The following CNIH3 variants were observed in gnomAD, a reference collection of about 807,000 sequenced individuals.
The protein encoded by CNIH3 is protein cornichon homolog 3.
In CNIH3, 14 loss-of-function variants were observed where a neutral mutation model predicts 24.1. The ratio of observed to expected loss-of-function variants is 0.58; its 90% CI spans 0.38 to 0.91. The LOEUF is 0.91. Ranked by LOEUF, CNIH3 falls within the 40% of genes least tolerant of loss-of-function variation. The pLI is 0.00. For synonymous variants in CNIH3, 68 were observed against 73.8 expected (o/e 0.92, Z 0.40); for missense variants, 178 against 196.8 (o/e 0.90, Z 0.57).
At chr1:224,693,012 T>C (rs1687004505) in intron 3 of CNIH3, among the ~76,000 whole-genome samples, 1 of 152,214 alleles carries the variant, frequency 6.6e-6, no homozygotes, top group African/African-American at 2.4e-5. Context: ...TTTAACTTCT[T>C]GGTAGGGTAG....
chr1:224,707,977 T>G (rs1687915031), intron 3 of CNIH3, among the ~76,000 whole-genome samples: 1 of 152,196 alleles, frequency 6.6e-6, no homozygotes, highest in African/African-American at 2.4e-5. Context: ...ACCATCTCAC[T>G]GTTGCAGGGT....
At chr1:224,652,214 G>C (rs1228450687) in intron 1 of CNIH3, among the ~76,000 whole-genome samples, 1 of 152,092 alleles carries the variant, frequency 6.6e-6, no homozygotes, top group South Asian at 2.1e-4. Context: ...CCTGTGTGCT[G>C]CCTCTGGCCA....
chr1:224,651,064 GAC>G lies in CNIH3; in HGVS notation c.82-29879_82-29878del, dbSNP rs71772293. Among the ~76,000 whole-genome samples, 582 of 151,168 alleles carry G rather than the reference GAC, an allele frequency of 3.9e-3. 5 individuals carry two copies. Among genetic ancestry groups the G allele is most frequent in the African/African-American group, 0.011 (471 of 41,226 alleles). On this transcript the variant is annotated intron_variant, in intron 1 of 5. Coordinates refer to ENST00000272133, the MANE Select transcript of CNIH3 (RefSeq NM_152495.2). ...AGTGAGAAACAGAAAGAGGGACATG[GAC>G]ACACACACACACACGCACAAACACA... is the stretch of plus-strand genomic sequence containing the variant.
intron 2 of CNIH3, among the ~76,000 whole-genome samples, chr1:224,545,100 T>C (rs1449983944): frequency 6.6e-6 from 1 of 152,254 alleles, no homozygotes; most frequent in East Asian, 1.9e-4. Flanking sequence ...TTTCTTCTCA[T>C]AGAAGTTCCT....
Position 224,459,167 on chromosome 1 carries a change from CT to C in CNIH3, n.203+24307del, listed in dbSNP as rs771487449. Reference sequence around the variant, plus strand: ...GGACATCCAGGGCCCCTCTCTTTGCCTTCCCCTCTTTCTTCCTTCTACTGCT... The same window carrying C: ...GGACATCCAGGGCCCCTCTCTTTGCCTCCCCTCTTTCTTCCTTCTACTGCT... On this transcript the variant is annotated intron_variant and non_coding_transcript_variant, in intron 1 of 5. Coordinates refer to the CNIH3 transcript ENST00000471578. The C allele has an allele frequency of 1.2e-4, 117 of 958,248 alleles. 1 individual carries two copies. The highest frequency in any genetic ancestry group is 1.4e-4 in the Non-Finnish European group (111 of 810,424). 59.4% of individuals were successfully genotyped at this position (958,248 alleles called of 1,614,324 possible).
downstream of CNIH3, among the ~76,000 whole-genome samples, chr1:224,592,249 G>T (rs1681792225): frequency 6.6e-6 from 1 of 152,092 alleles, no homozygotes; most frequent in Non-Finnish European, 1.5e-5. Context: ...GAGAAAAATG[G>T]AATAATTAAG....
At chr1:224,447,099 GA>G (rs773210830) in intron 1 of CNIH3, among the ~76,000 whole-genome samples, 11 of 152,186 alleles carry the variant, frequency 7.2e-5, no homozygotes, top group Admixed American at 2.0e-4. Context: ...AGATATATGA[GA>G]GGGGGTTTAT....
At chr1:224,461,857 A>G (rs1297064505) in intron 1 of CNIH3, among the ~76,000 whole-genome samples, 2 of 152,110 alleles carry the variant, frequency 1.3e-5, no homozygotes, top group African/African-American at 4.8e-5. Flanking sequence ...CTTTTTCTAT[A>G]TATTTACTTA....
chr1:224,451,179 A>C (rs1176614647), intron 1 of CNIH3, among the ~76,000 whole-genome samples: 3 of 152,202 alleles, frequency 2.0e-5, no homozygotes, highest in Non-Finnish European at 4.4e-5. Flanking sequence ...GCAGGAGACC[A>C]TGATGTGGCA....
chr1:224,462,783 G>A (rs1029778953), intron 1 of CNIH3, among the ~76,000 whole-genome samples: 6 of 151,646 alleles, frequency 4.0e-5, no homozygotes, highest in African/African-American at 1.5e-4. Context: ...GGGTCTGCAG[G>A]CACGCACCAC....
intron 1 of CNIH3, among the ~76,000 whole-genome samples, chr1:224,643,729 G>A (rs1045106930): frequency 2.6e-5 from 4 of 152,226 alleles, no homozygotes; most frequent in Admixed American, 6.5e-5. Flanking sequence ...TCAGCAGAAC[G>A]AGAGTCCTTC....
intron 3 of CNIH3, among the ~76,000 whole-genome samples, chr1:224,726,281 A>G (rs1326838212): frequency 2.6e-5 from 4 of 152,250 alleles, no homozygotes; most frequent in Non-Finnish European, 2.9e-5. Context: ...ACAGACTTAC[A>G]TGGAGACTGA....
intron 1 of CNIH3, among the ~76,000 whole-genome samples, chr1:224,460,643 G>A (rs1377239657): frequency 6.6e-6 from 1 of 152,082 alleles, no homozygotes; most frequent in Non-Finnish European, 1.5e-5. Flanking sequence ...CCTGTCGATG[G>A]ACATTTGGAT....
intron 3 of CNIH3, among the ~76,000 whole-genome samples, chr1:224,611,020 C>A (rs1259888321): frequency 2.6e-5 from 4 of 152,178 alleles, no homozygotes; most frequent in Admixed American, 2.6e-4. Flanking sequence ...GCTGCTCAAA[C>A]CCCCCTTCCT....
chr1:224,506,267 A>G (rs944934713), intron 1 of CNIH3, among the ~76,000 whole-genome samples: 1 of 69,654 alleles, frequency 1.4e-5, no homozygotes, highest in Non-Finnish European at 2.9e-5. Context: ...ATATGCACGC[A>G]CACGCGCGCG....
intron 1 of CNIH3, among the ~76,000 whole-genome samples, chr1:224,483,988 T>C (rs1452712536): frequency 1.3e-5 from 2 of 152,042 alleles, no homozygotes; most frequent in Non-Finnish European, 2.9e-5. Context: ...CTGACCAACA[T>C]GGTGAAACCC....
chr1:224,443,933 G>A (rs1161596092), intron 1 of CNIH3, among the ~76,000 whole-genome samples: 1 of 152,096 alleles, frequency 6.6e-6, no homozygotes, highest in Non-Finnish European at 1.5e-5. Flanking sequence ...CAGAAGACAA[G>A]AGTCATAAAT....
At chr1:224,570,909 T>A (rs903849088) in intron 4 of CNIH3, among the ~76,000 whole-genome samples, 13 of 144,422 alleles carry the variant, frequency 9.0e-5, no homozygotes, top group Admixed American at 2.8e-4. Flanking sequence ...ATCATATTTC[T>A]TTTTTTTTTT....
chr1:224,452,781 CAAAAAAAAAA>C (rs1173499027), intron 1 of CNIH3, among the ~76,000 whole-genome samples: 1 of 44,304 alleles, frequency 2.3e-5, no homozygotes, highest in African/African-American at 9.3e-5. Context: ...AACTCTGTCT[CAAAAAAAAAA>C]AAAAAAAAAA....
Sources: allele counts gnomAD v4.1 joint callset (sites outside exome capture counted in the v4.1 genomes callset), GRCh38; gene constraint gnomAD v4.1.1; transcripts MANE v1.5; gene names NCBI Gene and HGNC (gene_info 2026-07-23, HGNC 2026-07-21).